UNC79: variants seen among roughly 807,000 people sequenced by gnomAD.
UNC79 encodes protein unc-79 homolog.
Under a neutral mutation model 283.1 loss-of-function variants are expected in UNC79, and 37 were observed. That is an observed-to-expected ratio of 0.13 (90% CI 0.10 to 0.17). UNC79 has a LOEUF of 0.17. UNC79 is among the 10% of genes least tolerant of loss of function. The probability of loss-of-function intolerance (pLI) is 1.00; values close to 1 mark genes in which losing one functional copy is unlikely to be tolerated. For missense variants in UNC79, 2,272 were observed against 3,211.1 expected, an observed-to-expected ratio of 0.71 and a Z score of 7.07; for synonymous variants, 1,107 against 1,200.2, an observed-to-expected ratio of 0.92 and a Z score of 1.61.
intron 14 of UNC79, among the ~76,000 whole-genome samples, chr14:93,563,407 T>G (rs1357949155): frequency 6.6e-6 from 1 of 152,160 alleles, no homozygotes; most frequent in African/African-American, 2.4e-5. Flanking sequence ...GGAGGACCCT[T>G]GTACAGTGAG....
At chr14:93,516,368 T>C (rs1258525092) in intron 7 of UNC79, among the ~76,000 whole-genome samples, 2 of 151,380 alleles carry the variant, frequency 1.3e-5, no homozygotes, top group African/African-American at 4.9e-5. Flanking sequence ...TTTTTTGGGC[T>C]ATTTTAGTAC....
chr14:93,509,325 T>C (rs1415352029), intron 7 of UNC79, among the ~76,000 whole-genome samples: 1 of 152,116 alleles, frequency 6.6e-6, no homozygotes. Flanking sequence ...CAAAATATCA[T>C]GTCCTTTTCA....
chr14:93,619,241 C>T (rs1193278729), intron 29 of UNC79, among the ~76,000 whole-genome samples: 1 of 152,190 alleles, frequency 6.6e-6, no homozygotes, highest in Non-Finnish European at 1.5e-5. Context: ...CAGATCCCTC[C>T]TAAAGAATAT....
At position 93,604,895 on chromosome 14, in the gene UNC79, G is replaced by C. The variant is rs1411908608; in HGVS notation, c.3754+1477G>C. On this transcript the variant is annotated intron_variant, in intron 26 of 48. Transcript: ENST00000555664. The stretch of plus-strand genomic sequence containing the variant: ...AAATAGAGTTGTTGTTGATTTTTAA[G>C]CTATGAGGTTGACCAGGCATGAGCA... The C allele has an allele frequency of 6.3e-7, 1 of 1,576,928 alleles. No homozygotes were observed. The highest frequency in any genetic ancestry group is 8.6e-7 in the Non-Finnish European group (1 of 1,169,036).
At chr14:93,628,802 G>A (rs1204565975) in intron 30 of UNC79, among the ~76,000 whole-genome samples, 1 of 152,192 alleles carries the variant, frequency 6.6e-6, no homozygotes, top group Non-Finnish European at 1.5e-5. Flanking sequence ...GAGGGCTGAG[G>A]AAAGATTGCC....
At chr14:93,372,819 A>G (rs1428752775) in intron 1 of UNC79, among the ~76,000 whole-genome samples, 1 of 152,242 alleles carries the variant, frequency 6.6e-6, no homozygotes, top group African/African-American at 2.4e-5. Flanking sequence ...AACTGGATGT[A>G]ATGGTCATCT....
chr14:93,448,507 G>C lies in UNC79; in HGVS notation c.22+17456G>C, dbSNP rs183818640. Among the ~76,000 whole-genome samples the C allele has an allele frequency of 2.0e-5, 3 of 152,176 alleles. No homozygotes were observed. The East Asian group carries it at 5.8e-4, about 29-fold the overall frequency. On this transcript the variant is annotated intron_variant, in intron 1 of 48. Coordinates refer to ENST00000555664, the Ensembl canonical transcript of UNC79. ...TAGTTCCAGCATCTATTTCCTTTCA[G>C]GATCAGAATATACTGACTTTTCTTG...
chr14:93,444,151 TGC>T (rs2056396119), intron 1 of UNC79, among the ~76,000 whole-genome samples: 1 of 152,214 alleles, frequency 6.6e-6, no homozygotes, highest in South Asian at 2.1e-4. Flanking sequence ...CTAGTTGGTG[TGC>T]AGTGGTATCT....
intron 19 of UNC79, among the ~76,000 whole-genome samples, chr14:93,581,984 G>C (rs750198145): frequency 6.6e-6 from 1 of 152,242 alleles, no homozygotes; most frequent in Non-Finnish European, 1.5e-5. Flanking sequence ...TATATTTGAA[G>C]TGAAAGAAAA....
intron 1 of UNC79, among the ~76,000 whole-genome samples, chr14:93,416,716 G>T (rs2055468086): frequency 6.6e-6 from 1 of 152,098 alleles, no homozygotes; most frequent in Non-Finnish European, 1.5e-5. Context: ...CGTATTGGGT[G>T]CATATATATT....
chr14:93,591,986 G>A (rs117068022), intron 22 of UNC79, among the ~76,000 whole-genome samples: 2,963 of 152,160 alleles, frequency 0.019, 41 homozygotes, highest in South Asian at 0.086. Flanking sequence ...TTCATACTGC[G>A]TCTTTACATT....
chr14:93,450,083 T>C (rs1408480340), intron 1 of UNC79, among the ~76,000 whole-genome samples: 9 of 152,224 alleles, frequency 5.9e-5, no homozygotes, highest in Admixed American at 5.9e-4. Context: ...AAGTGAGTCC[T>C]GGGAAAGAAG....
At chr14:93,362,059 C>T (rs909140247) in intron 1 of UNC79, among the ~76,000 whole-genome samples, 1 of 152,034 alleles carries the variant, frequency 6.6e-6, no homozygotes, top group Non-Finnish European at 1.5e-5. Flanking sequence ...GATGGATTTG[C>T]TTTTTGGGTG....
intron 7 of UNC79, among the ~76,000 whole-genome samples, chr14:93,502,720 A>G (rs183931784): frequency 2.0e-5 from 3 of 152,344 alleles, no homozygotes; most frequent in African/African-American, 7.2e-5. Flanking sequence ...GTTACACAAG[A>G]TGTACATCTC....
chr14:93,661,146 G>A (rs542966062), intron 39 of UNC79, among the ~76,000 whole-genome samples: 275 of 152,144 alleles, frequency 1.8e-3, no homozygotes, highest in Non-Finnish European at 3.5e-3. Flanking sequence ...TCTATTCAAG[G>A]AAGAAAATGC....
At chr14:93,399,941 C>T (rs1297783723) in intron 1 of UNC79, among the ~76,000 whole-genome samples, 1 of 152,136 alleles carries the variant, frequency 6.6e-6, no homozygotes, top group Non-Finnish European at 1.5e-5. Flanking sequence ...GGACCCATGA[C>T]CGCCTGAGAT....
chr14:93,570,343 G>A (rs1356900489), intron 14 of UNC79, among the ~76,000 whole-genome samples: 3 of 152,172 alleles, frequency 2.0e-5, no homozygotes. Context: ...AACTGACATG[G>A]AAACCAAAAG....
chr14:93,696,700 C>T (rs2075155129), intron 47 of UNC79, among the ~76,000 whole-genome samples: 1 of 151,276 alleles, frequency 6.6e-6, no homozygotes, highest in Non-Finnish European at 1.5e-5. Context: ...AGATACAAGT[C>T]CTTTATCAGG....
At chr14:93,402,989 T>G (rs778762619) in intron 1 of UNC79, among the ~76,000 whole-genome samples, 1 of 152,174 alleles carries the variant, frequency 6.6e-6, no homozygotes, top group Non-Finnish European at 1.5e-5. Flanking sequence ...ATGTGTAAGA[T>G]GTACATTGGT....
Sources: gnomAD v4.1 joint callset for allele counts (sites outside exome capture counted in the v4.1 genomes callset) on GRCh38, gnomAD v4.1.1 for gene constraint, MANE v1.5 for transcripts, NCBI Gene and HGNC (gene_info 2026-07-23, HGNC 2026-07-21) for gene names.